ZNF415: variants seen among roughly 807,000 people sequenced by gnomAD.
The protein encoded by ZNF415 is zinc finger protein 415.
In ZNF415, 5 loss-of-function variants were observed where a neutral mutation model predicts 7.3. The observed-to-expected ratio is 0.69, with a 90% CI of 0.36 to 1.44. The LOEUF (loss-of-function observed/expected upper bound fraction) is 1.44, where lower values mean the gene tolerates loss of function less well. Among genes scored for constraint, ZNF415 ranks in the 40% most tolerant of loss-of-function variants. The pLI, the probability that ZNF415 is intolerant of heterozygous loss-of-function variation, is 0.04. For synonymous variants in ZNF415, 207 were observed against 226.3 expected, an observed-to-expected ratio of 0.91 and a Z score of 0.77; for missense variants, 628 against 664.8, an observed-to-expected ratio of 0.94 and a Z score of 0.61.
chr19:53,122,305 C>T, intron 2 of ZNF415: 1 of 1,205,306 alleles, frequency 8.3e-7, no homozygotes, highest in Non-Finnish European at 1.2e-6. Flanking sequence ...CCATGGGCAG[C>T]TTCTCTATTC....
In ZNF415 at chr19:53,129,996, C is replaced by T. The variant is rs1013438632; in HGVS notation, c.-68+2860G>A. ...AGGAGAATCGCTTGAACCCGGGAGG[C>T]GGAGGTTGCAGTGAGCCGAGATTGC... On this transcript the variant is annotated intron_variant, in intron 1 of 3. Transcript: ENST00000243643. Among the ~76,000 whole-genome samples the T allele has an allele frequency of 2.7e-5, 4 of 148,818 alleles. 1 individual carries two copies. The highest frequency in any genetic ancestry group is 5.9e-5 in the Non-Finnish European group (4 of 67,632).
chr19:53,120,875 G>A (rs1439038100), intron 2 of ZNF415, among the ~76,000 whole-genome samples: 3 of 151,238 alleles, frequency 2.0e-5, no homozygotes, highest in African/African-American at 7.3e-5. Flanking sequence ...CACGAGGTCA[G>A]GAGTTGGAGA....
intron 1 of ZNF415, among the ~76,000 whole-genome samples, chr19:53,123,191 G>A (rs373381206): frequency 6.6e-6 from 1 of 152,110 alleles, no homozygotes; most frequent in African/African-American, 2.4e-5. Context: ...GACAGGGATG[G>A]GGGCACAAGA....
intron 3 of ZNF415, chr19:53,115,578 T>C (rs2146333958): frequency 1.3e-6 from 1 of 744,526 alleles, no homozygotes; most frequent in Non-Finnish European, 2.2e-6. Context: ...TAGGGGAAGT[T>C]TAAAATTTCC....
At chr19:53,124,325 G>A (rs535819330) in intron 1 of ZNF415, 1 of 152,824 alleles carries the variant, frequency 6.5e-6, no homozygotes, top group South Asian at 1.9e-4. Context: ...GAGGGCCTCA[G>A]GAAGCTTCCG....
intron 2 of ZNF415, chr19:53,122,359 A>G: frequency 6.5e-7 from 1 of 1,529,046 alleles, no homozygotes; most frequent in Non-Finnish European, 8.8e-7. Context: ...GTGGCCCCTG[A>G]ACAATCCCTG....
intron 1 of ZNF415, among the ~76,000 whole-genome samples, chr19:53,128,176 C>T (rs1433339063): frequency 6.6e-6 from 1 of 152,046 alleles, no homozygotes; most frequent in Non-Finnish European, 1.5e-5. Context: ...GCACACTAGG[C>T]TGAAAGGCAA....
At chr19:53,115,833 C>T (rs760829322) in intron 3 of ZNF415, 9 of 1,529,694 alleles carry the variant, frequency 5.9e-6, no homozygotes, top group African/African-American at 4.1e-5. Context: ...GAGAATTTCC[C>T]GCTTATAAAA....
intron 2 of ZNF415, among the ~76,000 whole-genome samples, chr19:53,119,099 T>C (rs2087527313): frequency 1.3e-5 from 2 of 151,938 alleles, no homozygotes; most frequent in Admixed American, 6.6e-5. Context: ...GCTAACATGG[T>C]GAACCCCGCT....
At chr19:53,122,564 A>C in intron 2 of ZNF415, 98 bp downstream of exon 2, 1 of 1,605,562 alleles carries the variant, frequency 6.2e-7, no homozygotes, top group Non-Finnish European at 8.5e-7. Context: ...GTCAGGCAGG[A>C]TGCTTCAGAC....
chr19:53,108,198 G>C lies in ZNF415; in HGVS notation c.*179C>G, dbSNP rs2085666600. 1 of 631,824 alleles carries C rather than the reference G, an allele frequency of 1.6e-6. No individual in the cohort carries two copies. The highest frequency in any genetic ancestry group is 2.7e-6 in the Non-Finnish European group (1 of 376,246). 39.1% of individuals were successfully genotyped at this position (631,824 alleles called of 1,614,324 possible). A position where few individuals can be genotyped will look rare whatever the true frequency, so the allele number is the denominator to read the frequency against. ...CTGATGTCAATGAATGCTTGAACTTGTGATGAAGGGTTTGCTGTACTCGTA... is the reference window on the plus strand; with the variant it reads ...CTGATGTCAATGAATGCTTGAACTTCTGATGAAGGGTTTGCTGTACTCGTA... On this transcript the variant is annotated 3_prime_UTR_variant, in exon 4 of 4. Transcript: ENST00000243643.
rs2085676434 is a variant in ZNF415, at chr19:53,108,303, T to G, written c.*74A>C. 1 of 1,410,590 alleles carries G rather than the reference T, an allele frequency of 7.1e-7. No individual in the cohort carries two copies. The highest frequency in any genetic ancestry group is 9.6e-7 in the Non-Finnish European group (1 of 1,046,058). 87.4% of individuals were successfully genotyped at this position (1,410,590 alleles called of 1,614,324 possible). ...GAAAACCTTGCCACATTTATTATAC[T>G]TGTATGGTTTCTCTCTGATATAAAT... On this transcript the variant is annotated 3_prime_UTR_variant, in exon 4 of 4. Transcript: ENST00000243643.
At position 53,127,565 on chromosome 19, in the gene ZNF415, T is replaced by G. The variant is rs376623089; in HGVS notation, c.-67-4822A>C. Among the ~76,000 whole-genome samples, 7 of 152,310 alleles carry G rather than the reference T, an allele frequency of 4.6e-5. No individual in the cohort carries two copies. In the South Asian group the frequency reaches 1.4e-3, roughly 32 times the overall value. The stretch of plus-strand genomic sequence containing the variant: ...AAAACACTCCAAACTGTTATTTCTA[T>G]CTTTCAAAATGCATCTGAAAGCTTC... On this transcript the variant is annotated intron_variant, in intron 1 of 3. Transcript: ENST00000243643.
At chr19:53,114,926 A>G (rs1010866122) in intron 3 of ZNF415, among the ~76,000 whole-genome samples, 2 of 152,170 alleles carry the variant, frequency 1.3e-5, no homozygotes, top group Non-Finnish European at 2.9e-5. Flanking sequence ...TCTTGTGGGC[A>G]GGTCTTCCAA....
Position 53,116,298 on chromosome 19 carries a change from G to A in ZNF415, c.136+15C>T, listed in dbSNP as rs2087011598. Reference sequence around the variant, plus strand: ...CAAGGGCAGATTTTGACTTCTGGAAGAAAATTATCCTCACCCAGGGAGACC... The same window carrying A: ...CAAGGGCAGATTTTGACTTCTGGAAAAAAATTATCCTCACCCAGGGAGACC... On this transcript the variant is annotated intron_variant, in intron 3 of 3. Transcript: ENST00000243643. 1 of 1,590,602 alleles carries A rather than the reference G, an allele frequency of 6.3e-7. No individual in the cohort carries two copies. The highest frequency in any genetic ancestry group is 8.5e-7 in the Non-Finnish European group (1 of 1,173,632).
chr19:53,127,807 G>A (rs1448202308), intron 1 of ZNF415, among the ~76,000 whole-genome samples: 1 of 151,560 alleles, frequency 6.6e-6, no homozygotes, highest in African/African-American at 2.4e-5. Flanking sequence ...AACCTAGGAG[G>A]TGGAGGTTGC....
rs376666587 is a variant in ZNF415, at chr19:53,121,428, CGTT to C, written c.15+1231_15+1233del. Among the ~76,000 whole-genome samples the C allele has an allele frequency of 5.0e-3, 750 of 150,568 alleles. 6 individuals are homozygous for C. The highest frequency in any genetic ancestry group is 0.016 in the African/African-American group (676 of 41,112). On this transcript the variant is annotated intron_variant, in intron 2 of 3. Coordinates refer to ENST00000243643, the MANE Select transcript of ZNF415 (RefSeq NM_018355.4). Reference sequence around the variant, plus strand: ...TCCTACAATTATACTTTATTTTTGTCGTTGTTGTTGTTGACACAGAGTCTCGCC... The same window carrying C: ...TCCTACAATTATACTTTATTTTTGTCGTTGTTGTTGACACAGAGTCTCGCC...
In ZNF415 at chr19:53,116,317, G is replaced by C; in HGVS notation, c.132C>G (p.Ser44=). 1 of 1,607,672 alleles carries C rather than the reference G, an allele frequency of 6.2e-7. No homozygotes were observed. Among genetic ancestry groups the C allele is most frequent in the Non-Finnish European group, 8.5e-7 (1 of 1,178,318 alleles). ...CTGGAAGAAAATTATCCTCACCCAG[G>C]GAGACCAGGTTCCTGTAGTTCTCCA... ...VMLENYRNLV[S]LDLSRNCVIK... Residue 44 remains serine, a synonymous_variant, in exon 3 of 4, where the codon TCC becomes TCG. Coordinates refer to ENST00000243643, the MANE Select transcript of ZNF415 (RefSeq NM_018355.4).
In ZNF415 at chr19:53,109,513, G is replaced by A; in HGVS notation, c.532C>T (p.Pro178Ser). The A allele has an allele frequency of 6.2e-7, 1 of 1,614,022 alleles. No homozygotes were observed. The highest frequency in any genetic ancestry group is 8.5e-7 in the Non-Finnish European group (1 of 1,179,960). Residue 178 changes from proline to serine, a missense_variant, in exon 4 of 4, where the codon CCC (proline) becomes TCC (serine). Physicochemically the swap from Pro to Ser is moderately conservative, Grantham distance 74. Coordinates refer to ENST00000243643, the MANE Select transcript of ZNF415 (RefSeq NM_018355.4). ...TTGATGGTAGAAGAAATTATTTGGGGTGGTGAAACTGAGGAACCATGGTTG... is the reference window on the plus strand; with the variant it reads ...TTGATGGTAGAAGAAATTATTTGGGATGGTGAAACTGAGGAACCATGGTTG... ...SVNHGSSVSP[P>S]QIISSTIKTH...
Sources: gnomAD v4.1 joint callset for allele counts (sites outside exome capture counted in the v4.1 genomes callset) on GRCh38, gnomAD v4.1.1 for gene constraint, MANE v1.5 for transcripts, NCBI Gene and HGNC (gene_info 2026-07-23, HGNC 2026-07-21) for gene names.